CCDC85A: variants seen among roughly 807,000 people sequenced by gnomAD.
The protein encoded by CCDC85A is coiled-coil domain containing 85A, also known as coiled-coil domain-containing protein 85A.
CCDC85A carries 38 observed loss-of-function variants against 50.2 expected under a neutral mutation model. The observed-to-expected ratio is 0.76, with a 90% CI of 0.58 to 0.99. CCDC85A has a LOEUF of 0.99. Among genes scored for constraint, CCDC85A ranks in the 50% least tolerant of loss-of-function variants. The pLI is 0.00. For synonymous variants in CCDC85A, 366 were observed against 301.4 expected (o/e 1.21, Z -2.22); for missense variants, 820 against 742.0 (o/e 1.11, Z -1.22).
At chr2:56,311,928 A>C (rs757591833) in intron 2 of CCDC85A, among the ~76,000 whole-genome samples, 3 of 152,022 alleles carry the variant, frequency 2.0e-5, no homozygotes, top group Non-Finnish European at 4.4e-5. Flanking sequence ...TTTTAACAAG[A>C]TCCACAGGTG....
intron 4 of CCDC85A, 99 bp from the exon 5 acceptor site, chr2:56,375,717 G>C: frequency 7.9e-7 from 1 of 1,263,782 alleles, no homozygotes; most frequent in Non-Finnish European, 1.1e-6. Context: ...TAACAAAATG[G>C]CTAATTCTCA....
chr2:56,282,848 G>A (rs184018953), intron 2 of CCDC85A, among the ~76,000 whole-genome samples: 3 of 152,252 alleles, frequency 2.0e-5, no homozygotes, highest in Admixed American at 2.0e-4. Flanking sequence ...ATTTCTCTTA[G>A]CAGTGTTTTG....
At chr2:56,379,756 G>T (rs966902109) in intron 5 of CCDC85A, 56 of 980,748 alleles carry the variant, frequency 5.7e-5, no homozygotes, top group Non-Finnish European at 6.7e-5. Context: ...CCAGGTCTTG[G>T]ATGTTCAGGA....
At chr2:56,361,881 AAGGT>A (rs150446379) in intron 3 of CCDC85A, among the ~76,000 whole-genome samples, 122 of 152,286 alleles carry the variant, frequency 8.0e-4, no homozygotes, top group African/African-American at 2.7e-3. Context: ...GAGACTGAAG[AAGGT>A]AGAGACAGGG....
At chr2:56,225,535 G>A (rs1193073555) in intron 2 of CCDC85A, among the ~76,000 whole-genome samples, 1 of 151,870 alleles carries the variant, frequency 6.6e-6, no homozygotes, top group East Asian at 1.9e-4. Flanking sequence ...CTTTATTACT[G>A]TACCTGTGTA....
intron 2 of CCDC85A, among the ~76,000 whole-genome samples, chr2:56,295,867 C>G (rs796418788): frequency 2.0e-5 from 3 of 152,182 alleles, no homozygotes; most frequent in Non-Finnish European, 4.4e-5. Flanking sequence ...TGCAGAGCCA[C>G]CAGTATCACT....
chr2:56,257,911 A>G (rs939165490), intron 2 of CCDC85A, among the ~76,000 whole-genome samples: 11 of 152,240 alleles, frequency 7.2e-5, no homozygotes. Context: ...GGTAATGAAG[A>G]TGGTGGTAAG....
chr2:56,275,231 G>A (rs781527561), intron 2 of CCDC85A, among the ~76,000 whole-genome samples: 2 of 151,872 alleles, frequency 1.3e-5, no homozygotes, highest in African/African-American at 2.4e-5. Context: ...TGCTGGCCTT[G>A]AATGAATGTA....
At chr2:56,384,177 C>G in intron 5 of CCDC85A, 89 bp from the exon 6 acceptor site, 2 of 1,119,056 alleles carry the variant, frequency 1.8e-6, no homozygotes, top group East Asian at 4.8e-5. Flanking sequence ...ACTTCATCTT[C>G]GCTCCTCTCT....
chr2:56,193,385 G>C lies in CCDC85A; in HGVS notation c.1185G>C (p.Arg395=). ...GCAGCAGGGAGGGCACCCTCAGACGGCAGGCACAGGAGGACGGGTCACCCC... is the reference window on the plus strand; with the variant it reads ...GCAGCAGGGAGGGCACCCTCAGACGCCAGGCACAGGAGGACGGGTCACCCC... ...GGGSREGTLR[R]QAQEDGSPHH... Residue 395 remains arginine, a synonymous_variant, in exon 2 of 6, where the codon CGG becomes CGC. Coordinates refer to ENST00000407595, the MANE Select transcript of CCDC85A (RefSeq NM_001080433.2). 1 of 1,611,180 alleles carries C rather than the reference G, an allele frequency of 6.2e-7. No individual in the cohort carries two copies. Among genetic ancestry groups the C allele is most frequent in the Non-Finnish European group, 8.5e-7 (1 of 1,178,678 alleles).
chr2:56,228,437 A>T (rs1186088246), intron 2 of CCDC85A, among the ~76,000 whole-genome samples: 3 of 152,094 alleles, frequency 2.0e-5, no homozygotes, highest in Non-Finnish European at 2.9e-5. Context: ...TGTACAATAA[A>T]TATTTACTTT....
chr2:56,187,258 G>T lies in CCDC85A; in HGVS notation c.276+2358G>T, dbSNP rs1363841388. On this transcript the variant is annotated intron_variant, in intron 1 of 5. Coordinates refer to ENST00000407595, the MANE Select transcript of CCDC85A (RefSeq NM_001080433.2). ...GCATTCTCAGTTGAGAACTATAAAT[G>T]TAGGGGAATTAAGACCATAATACAT... 2.6e-5 allele frequency among the ~76,000 whole-genome samples: 4 copies of T among 152,204 alleles called. No individual in the cohort carries two copies. In the East Asian group the frequency reaches 7.7e-4, roughly 29 times the overall value.
chr2:56,201,181 A>G (rs868375876), intron 2 of CCDC85A, among the ~76,000 whole-genome samples: 1 of 152,030 alleles, frequency 6.6e-6, no homozygotes, highest in South Asian at 2.1e-4. Flanking sequence ...TGTTAAATGC[A>G]TTACGTTTAA....
intron 2 of CCDC85A, among the ~76,000 whole-genome samples, chr2:56,293,803 C>A (rs1356526749): frequency 6.6e-6 from 1 of 152,110 alleles, no homozygotes; most frequent in East Asian, 1.9e-4. Flanking sequence ...AGTCAAAAAA[C>A]AACAGATGCT....
chr2:56,217,570 A>G (rs556794716), intron 2 of CCDC85A, among the ~76,000 whole-genome samples: 38 of 152,056 alleles, frequency 2.5e-4, no homozygotes, highest in African/African-American at 8.9e-4. Context: ...ATAAGTAGAC[A>G]ATTGTTTTAT....
Position 56,301,490 on chromosome 2 carries a change from G to A in CCDC85A, c.1241-41389G>A, listed in dbSNP as rs1672199397. ...TATTTTATATAAGTGCCCCTCCAGT[G>A]ATTCTGATACAGAGGTATATAAGAA... On this transcript the variant is annotated intron_variant, in intron 2 of 5. Transcript: ENST00000407595. 1.3e-5 allele frequency among the ~76,000 whole-genome samples: 2 copies of A among 152,112 alleles called. 1 individual carries two copies. Among genetic ancestry groups the A allele is most frequent in the Admixed American group, 1.3e-4 (2 of 15,254 alleles).
At chr2:56,291,098 T>C (rs1169965372) in intron 2 of CCDC85A, among the ~76,000 whole-genome samples, 1 of 152,238 alleles carries the variant, frequency 6.6e-6, no homozygotes, top group Non-Finnish European at 1.5e-5. Context: ...ATTGTGAAAC[T>C]TCGGTTTTTG....
At chr2:56,231,478 C>T (rs1463841325) in intron 2 of CCDC85A, among the ~76,000 whole-genome samples, 2 of 152,128 alleles carry the variant, frequency 1.3e-5, no homozygotes, top group Non-Finnish European at 2.9e-5. Context: ...GAGACACATT[C>T]TTAAAGGAAG....
intron 5 of CCDC85A, among the ~76,000 whole-genome samples, chr2:56,381,947 CA>C (rs1676604033): frequency 6.6e-6 from 1 of 151,884 alleles, no homozygotes; most frequent in Admixed American, 6.6e-5. Flanking sequence ...TTCAGAAAGC[CA>C]AAAGCTTGCC....
Sources: allele counts gnomAD v4.1 joint callset (sites outside exome capture counted in the v4.1 genomes callset), GRCh38; gene constraint gnomAD v4.1.1; transcripts MANE v1.5; gene names NCBI Gene and HGNC (gene_info 2026-07-23, HGNC 2026-07-21).